Variants in MEGF11 observed in about 807,000 individuals in gnomAD.
MEGF11 encodes multiple epidermal growth factor-like domains protein 11.
MEGF11 carries 126 observed loss-of-function variants against 146.6 expected under a neutral mutation model. That is an observed-to-expected ratio of 0.86 (90% confidence interval 0.74 to 1.00). The LOEUF (loss-of-function observed/expected upper bound fraction) is 1.00. MEGF11 is among the 50% of genes least tolerant of loss of function. The pLI, the probability that MEGF11 is intolerant of heterozygous loss-of-function variation, is 0.00. For missense variants in MEGF11, 1,509 were observed against 1,521.2 expected, an observed-to-expected ratio of 0.99 and a Z score of 0.13; for synonymous variants, 532 against 583.4, an observed-to-expected ratio of 0.91 and a Z score of 1.27.
intron 5 of MEGF11, among the ~76,000 whole-genome samples, chr15:66,015,095 A>T (rs1308515651): frequency 6.6e-6 from 1 of 152,132 alleles, no homozygotes; most frequent in Non-Finnish European, 1.5e-5. Flanking sequence ...TGCACACTTG[A>T]CTCTCATGAG....
chr15:66,002,585 A>G (rs1201802563), intron 5 of MEGF11, among the ~76,000 whole-genome samples: 1 of 152,226 alleles, frequency 6.6e-6, no homozygotes, highest in Non-Finnish European at 1.5e-5. Context: ...AAGTTACTAA[A>G]ACTTTCTGTG....
At chr15:65,989,537 GAGC>G (rs2081968925) in intron 5 of MEGF11, among the ~76,000 whole-genome samples, 1 of 152,236 alleles carries the variant, frequency 6.6e-6, no homozygotes, top group Non-Finnish European at 1.5e-5. Flanking sequence ...GGCAGAGATG[GAGC>G]AGCAGCCGCC....
chr15:66,036,515 T>C (rs1054705371), intron 5 of MEGF11, among the ~76,000 whole-genome samples: 5 of 152,244 alleles, frequency 3.3e-5, no homozygotes, highest in Admixed American at 6.5e-5. Context: ...TTGCCTCCAA[T>C]GTTTTGCTAT....
chr15:66,112,135 G>T (rs1037290715), intron 4 of MEGF11, among the ~76,000 whole-genome samples: 8 of 150,640 alleles, frequency 5.3e-5, no homozygotes, highest in African/African-American at 1.9e-4. Flanking sequence ...TGGAGAATCA[G>T]CAGGCTCCAT....
chr15:66,051,294 C>A (rs575984819), intron 5 of MEGF11, among the ~76,000 whole-genome samples: 59 of 152,156 alleles, frequency 3.9e-4, no homozygotes, highest in African/African-American at 1.3e-3. Flanking sequence ...GAAGGGTGGA[C>A]CCTGGAGAGT....
intron 1 of MEGF11, among the ~76,000 whole-genome samples, chr15:66,155,687 A>G (rs2089730496): frequency 6.6e-6 from 1 of 151,950 alleles, no homozygotes; most frequent in African/African-American, 2.4e-5. Context: ...AACCTCTCCA[A>G]TTTCAGTGAC....
chr15:66,200,960 G>C (rs1269371600), intron 1 of MEGF11, among the ~76,000 whole-genome samples: 1 of 152,040 alleles, frequency 6.6e-6, no homozygotes, highest in Non-Finnish European at 1.5e-5. Context: ...CCAAACAGAA[G>C]TATTCAGACA....
chr15:66,222,871 C>A (rs949956344), intron 1 of MEGF11, among the ~76,000 whole-genome samples: 6 of 152,308 alleles, frequency 3.9e-5, no homozygotes, highest in Non-Finnish European at 7.3e-5. Context: ...GAAATGAAAA[C>A]CCTCATACAC....
chr15:66,007,751 CAAGAAAAGAA>C (rs138701582), intron 5 of MEGF11, among the ~76,000 whole-genome samples: 123 of 151,966 alleles, frequency 8.1e-4, no homozygotes, highest in Admixed American at 7.1e-3. Context: ...GACCCTGTCT[CAAGAAAAGAA>C]AAGAAAAGAA....
intron 4 of MEGF11, among the ~76,000 whole-genome samples, chr15:66,111,066 T>C (rs2087372471): frequency 6.6e-6 from 1 of 152,202 alleles, no homozygotes; most frequent in African/African-American, 2.4e-5. Context: ...CGCACTCATC[T>C]GAAATCTGGG....
intron 5 of MEGF11, among the ~76,000 whole-genome samples, chr15:66,007,625 T>G (rs1260273002): frequency 6.6e-6 from 1 of 152,076 alleles, no homozygotes; most frequent in Non-Finnish European, 1.5e-5. Flanking sequence ...TGGTACGTGC[T>G]CGTGGTCCCA....
chr15:66,140,280 A>C (rs904070437), intron 1 of MEGF11, among the ~76,000 whole-genome samples: 1 of 152,230 alleles, frequency 6.6e-6, no homozygotes, highest in African/African-American at 2.4e-5. Flanking sequence ...AAAGGGCACA[A>C]TTGCAAAAGC....
chr15:65,944,757 C>G (rs1412808876), intron 10 of MEGF11, among the ~76,000 whole-genome samples: 3 of 152,068 alleles, frequency 2.0e-5, no homozygotes, highest in Non-Finnish European at 4.4e-5. Context: ...AGGCTGAATG[C>G]AAAGACAGCC....
intron 5 of MEGF11, among the ~76,000 whole-genome samples, chr15:66,048,947 G>A (rs2084339517): frequency 6.6e-6 from 1 of 152,166 alleles, no homozygotes; most frequent in Non-Finnish European, 1.5e-5. Context: ...GGAAACTGAG[G>A]TTAAATGACC....
At chr15:65,962,232 T>C (rs979451695) in intron 9 of MEGF11, among the ~76,000 whole-genome samples, 1 of 152,108 alleles carries the variant, frequency 6.6e-6, no homozygotes, top group Non-Finnish European at 1.5e-5. Flanking sequence ...TCCATCCACA[T>C]AGAGGAAGAG....
chr15:66,151,962 C>A (rs898803382), intron 1 of MEGF11, among the ~76,000 whole-genome samples: 1 of 152,238 alleles, frequency 6.6e-6, no homozygotes, highest in Non-Finnish European at 1.5e-5. Flanking sequence ...TGCCATGGGG[C>A]GGGGGGCAGG....
chr15:66,252,277 C>A (rs932113386), intron 1 of MEGF11, among the ~76,000 whole-genome samples: 8 of 142,902 alleles, frequency 5.6e-5, no homozygotes, highest in Non-Finnish European at 1.2e-4. Flanking sequence ...GTTTCCCTGG[C>A]AGAGCGCCGG....
At chr15:66,063,828 C>T (rs958216275) in intron 5 of MEGF11, among the ~76,000 whole-genome samples, 1 of 152,122 alleles carries the variant, frequency 6.6e-6, no homozygotes, top group East Asian at 1.9e-4. Flanking sequence ...TGTTAAGAAC[C>T]CACTCTTTGT....
At position 65,930,882 on chromosome 15, in the gene MEGF11, C is replaced by T; in HGVS notation, c.1349G>A (p.Cys450Tyr). 1 of 1,611,816 alleles carries T rather than the reference C, an allele frequency of 6.2e-7. No individual in the cohort carries two copies. The change falls in exon 11 of 26, where the codon TGT (cysteine) becomes TAT (tyrosine). Residue 450 changes from cysteine to tyrosine, a missense_variant. Transcript: ENST00000395614. ...GCAGGTGCCACCATTGTTACAGCTA[C>T]AGATGGACGAGCAGTTGGGGCCATA... Reference protein sequence around the residue: ...GTYGPNCSSICSCNNGGTCSP... With the variant: ...GTYGPNCSSIYSCNNGGTCSP...
Sources: gnomAD v4.1 joint callset for allele counts (sites outside exome capture counted in the v4.1 genomes callset) on GRCh38, gnomAD v4.1.1 for gene constraint, MANE v1.5 for transcripts, NCBI Gene and HGNC (gene_info 2026-07-23, HGNC 2026-07-21) for gene names.